Variants in THADA observed in about 807,000 individuals in gnomAD.
THADA encodes the protein tRNA (32-2'-O)-methyltransferase regulator THADA.
Under a neutral mutation model 219.8 loss-of-function variants are expected in THADA, and 213 were observed. The observed-to-expected ratio is 0.97, with a 90% CI of 0.87 to 1.09. The LOEUF (loss-of-function observed/expected upper bound fraction) is 1.09, where lower values mean the gene tolerates loss of function less well. Ranked by LOEUF, THADA falls within the 50% of genes least tolerant of loss-of-function variation. The pLI is 0.00. For missense variants in THADA, 2,956 were observed against 2,311.3 expected (o/e 1.28, Z -5.72); for synonymous variants, 1,018 against 828.9 (o/e 1.23, Z -3.92).
intron 36 of THADA, among the ~76,000 whole-genome samples, chr2:43,269,274 C>T (rs768948341): frequency 3.3e-5 from 5 of 152,156 alleles, no homozygotes; most frequent in Admixed American, 1.3e-4. Flanking sequence ...CCAGAGAGCT[C>T]GGCTTTCAGA....
intron 36 of THADA, among the ~76,000 whole-genome samples, chr2:43,276,745 G>C (rs755943577): frequency 6.6e-6 from 1 of 152,108 alleles, no homozygotes; most frequent in African/African-American, 2.4e-5. Context: ...CAAGACCTAA[G>C]GAAAACTTTG....
intron 20 of THADA, among the ~76,000 whole-genome samples, chr2:43,547,820 G>A (rs1233418135): frequency 1.3e-5 from 2 of 152,160 alleles, no homozygotes; most frequent in South Asian, 2.1e-4. Flanking sequence ...ATTTCCTCCT[G>A]TAGCTTGGAG....
At chr2:43,239,977 AAGAG>A (rs1227917906) in intron 36 of THADA, among the ~76,000 whole-genome samples, 1 of 152,238 alleles carries the variant, frequency 6.6e-6, no homozygotes, top group African/African-American at 2.4e-5. Context: ...AAACCACTCT[AAGAG>A]AGAGAAGAGT....
intron 26 of THADA, among the ~76,000 whole-genome samples, chr2:43,458,558 G>A (rs993458222): frequency 7.2e-5 from 11 of 152,024 alleles, no homozygotes; most frequent in African/African-American, 2.7e-4. Flanking sequence ...CTGCTGATTC[G>A]ACCGCCTATC....
intron 28 of THADA, among the ~76,000 whole-genome samples, chr2:43,401,627 G>C (rs867509795): frequency 6.6e-6 from 1 of 152,154 alleles, no homozygotes; most frequent in Non-Finnish European, 1.5e-5. Flanking sequence ...CAATTGTACA[G>C]CACTTGACAG....
intron 21 of THADA, among the ~76,000 whole-genome samples, chr2:43,528,585 C>T (rs1037121032): frequency 6.6e-6 from 1 of 152,036 alleles, no homozygotes; most frequent in Non-Finnish European, 1.5e-5. Context: ...GCAATGGAAC[C>T]AGAACATGAA....
At chr2:43,334,691 C>T (rs1379162744) in intron 30 of THADA, among the ~76,000 whole-genome samples, 3 of 151,780 alleles carry the variant, frequency 2.0e-5, no homozygotes, top group Admixed American at 6.6e-5. Context: ...AGGAGAATGG[C>T]GTGAACCTGG....
rs371073432 is a variant in THADA at position 43,555,396 on chromosome 2, G to GTATA, written c.2674+945_2674+948dup. On this transcript the variant is annotated intron_variant, in intron 17 of 37. Coordinates refer to ENST00000405975, the MANE Select transcript of THADA (RefSeq NM_022065.5). ...TACATATTATTTATATATATTACAT[G>GTATA]TATATATATATATATGTTTTTTAAG... Among the ~76,000 whole-genome samples, 501 of 148,588 alleles carry GTATA rather than the reference G, an allele frequency of 3.4e-3. 3 individuals carry two copies. The highest frequency in any genetic ancestry group is 0.011 in the African/African-American group (442 of 40,612).
chr2:43,359,905 T>G (rs1264107426), intron 29 of THADA, among the ~76,000 whole-genome samples: 1 of 151,852 alleles, frequency 6.6e-6, no homozygotes, highest in African/African-American at 2.4e-5. Flanking sequence ...ACTACAGGCA[T>G]GTGCTACTGG....
intron 23 of THADA, among the ~76,000 whole-genome samples, chr2:43,507,545 G>C (rs533546949): frequency 6.6e-6 from 1 of 152,204 alleles, no homozygotes; most frequent in Non-Finnish European, 1.5e-5. Flanking sequence ...CCATTCAGCA[G>C]AACTACTTCA....
intron 26 of THADA, among the ~76,000 whole-genome samples, chr2:43,442,890 C>T (rs184961233): frequency 2.5e-4 from 38 of 152,246 alleles, no homozygotes; most frequent in African/African-American, 8.7e-4. Context: ...AACACCTCCA[C>T]TCTCCGCCTC....
At chr2:43,371,782 T>C (rs1295191115) in intron 29 of THADA, among the ~76,000 whole-genome samples, 2 of 152,158 alleles carry the variant, frequency 1.3e-5, no homozygotes, top group Non-Finnish European at 2.9e-5. Flanking sequence ...TTGCCAAACC[T>C]CCACACGCAA....
intron 8 of THADA, among the ~76,000 whole-genome samples, chr2:43,581,104 T>A (rs966411052): frequency 1.3e-5 from 2 of 152,218 alleles, no homozygotes; most frequent in East Asian, 1.9e-4. Context: ...GTGTTAGGTG[T>A]CACTTTTTCG....
In THADA at chr2:43,485,307, G is replaced by A. The variant is rs1460983860; in HGVS notation, c.3763C>T (p.Leu1255Phe). 6.2e-7 allele frequency: 1 copy of A among 1,612,824 alleles called. No individual in the cohort carries two copies. Among genetic ancestry groups the A allele is most frequent in the Non-Finnish European group, 8.5e-7 (1 of 1,179,360 alleles). ...PVWAVRNSST[L>F]LFSALITRIF... ...CTTGTGATCAAGGCACTAAAGAGAA[G>A]TGTGGATGAATTTCGCACCTAATGT... Residue 1255 changes from leucine to phenylalanine, a missense_variant, in exon 26 of 38, where the codon CTT becomes TTT. By Grantham distance (22) the Leu-to-Phe change is conservative. Transcript: ENST00000405975.
At chr2:43,381,704 G>A (rs1368047815) in intron 29 of THADA, among the ~76,000 whole-genome samples, 1 of 151,622 alleles carries the variant, frequency 6.6e-6, no homozygotes, top group African/African-American at 2.4e-5. Context: ...TCAGCCTCCT[G>A]AGTGGCTGAG....
At chr2:43,258,218 A>G (rs1670541546) in intron 36 of THADA, among the ~76,000 whole-genome samples, 1 of 152,110 alleles carries the variant, frequency 6.6e-6, no homozygotes, top group South Asian at 2.1e-4. Flanking sequence ...GCATACTTAT[A>G]CTAAAAAAAA....
intron 22 of THADA, among the ~76,000 whole-genome samples, chr2:43,520,888 A>G (rs1175370057): frequency 1.4e-5 from 2 of 146,710 alleles, no homozygotes; most frequent in African/African-American, 5.0e-5. Context: ...TATGAAGAGT[A>G]GAAATTCTTA....
chr2:43,512,711 G>T (rs923705844), intron 22 of THADA, among the ~76,000 whole-genome samples: 1 of 152,092 alleles, frequency 6.6e-6, no homozygotes, highest in African/African-American at 2.4e-5. Flanking sequence ...CATGTTGGTC[G>T]GGCTGATCTC....
intron 25 of THADA, among the ~76,000 whole-genome samples, chr2:43,487,681 C>T (rs946806850): frequency 2.0e-5 from 3 of 152,138 alleles, no homozygotes; most frequent in Admixed American, 1.3e-4. Context: ...AGAGCTCTCA[C>T]GAATGCGATT....
Sources: gnomAD v4.1 joint callset for allele counts (sites outside exome capture counted in the v4.1 genomes callset) on GRCh38, gnomAD v4.1.1 for gene constraint, MANE v1.5 for transcripts, NCBI Gene and HGNC (gene_info 2026-07-23, HGNC 2026-07-21) for gene names.